PDLIM5: variants seen among roughly 807,000 people sequenced by gnomAD.
PDLIM5 encodes PDZ and LIM domain protein 5.
Under a neutral mutation model 64.2 loss-of-function variants are expected in PDLIM5, and 34 were observed. The observed-to-expected ratio is 0.53, with a 90% CI of 0.40 to 0.71. The LOEUF (loss-of-function observed/expected upper bound fraction) is 0.71. PDLIM5 is among the 30% of genes least tolerant of loss of function. The pLI, the probability that PDLIM5 is intolerant of heterozygous loss-of-function variation, is 0.00. For missense variants in PDLIM5, 683 were observed against 733.6 expected (o/e 0.93, Z 0.80); for synonymous variants, 253 against 269.1 (o/e 0.94, Z 0.59).
At chr4:94,586,568 A>G (rs902504713) in intron 7 of PDLIM5, 124 bp downstream of exon 7, 1 of 625,336 alleles carries the variant, frequency 1.6e-6, no homozygotes, top group Non-Finnish European at 2.9e-6. Flanking sequence ...CTAAGCATTT[A>G]ACTTTGGTGC....
chr4:94,663,670 G>A (rs1194778253), intron 12 of PDLIM5, among the ~76,000 whole-genome samples: 1 of 152,100 alleles, frequency 6.6e-6, no homozygotes, highest in East Asian at 1.9e-4. Flanking sequence ...TATATTTAAC[G>A]AGCCCCCTTT....
At chr4:94,504,376 T>A (rs1728198917) in intron 2 of PDLIM5, among the ~76,000 whole-genome samples, 1 of 151,436 alleles carries the variant, frequency 6.6e-6, no homozygotes, top group Non-Finnish European at 1.5e-5. Flanking sequence ...CAACCTCCGC[T>A]CCCGGGTTCA....
intron 7 of PDLIM5, chr4:94,587,718 A>G: frequency 1.0e-6 from 1 of 984,658 alleles, no homozygotes; most frequent in Non-Finnish European, 1.2e-6. Flanking sequence ...TTTTACCCCT[A>G]TTTGCAATGG....
chr4:94,588,041 A>G (rs1736382692), intron 7 of PDLIM5: 1 of 910,242 alleles, frequency 1.1e-6, no homozygotes, highest in Admixed American at 6.2e-5. Flanking sequence ...GCCTTGTAAT[A>G]TAGTGTATTA....
chr4:94,506,285 G>GT (rs1728390524), intron 2 of PDLIM5, among the ~76,000 whole-genome samples: 1 of 152,170 alleles, frequency 6.6e-6, no homozygotes, highest in Non-Finnish European at 1.5e-5. Context: ...GATGGTGATT[G>GT]TTTCTCTGAT....
At chr4:94,590,433 T>C (rs1179756998) in intron 7 of PDLIM5, among the ~76,000 whole-genome samples, 1 of 152,208 alleles carries the variant, frequency 6.6e-6, no homozygotes, top group African/African-American at 2.4e-5. Flanking sequence ...TTCTTTCAAA[T>C]GCATAATTGC....
intron 3 of PDLIM5, among the ~76,000 whole-genome samples, chr4:94,543,990 A>G (rs1339221560): frequency 1.3e-5 from 2 of 152,188 alleles, no homozygotes; most frequent in African/African-American, 4.8e-5. Context: ...TAATTTTTTA[A>G]GGAACCTCCA....
chr4:94,618,199 A>G lies in PDLIM5; in HGVS notation c.1108+8A>G. 1 of 1,572,278 alleles carries G rather than the reference A, an allele frequency of 6.4e-7. No individual in the cohort carries two copies. The highest frequency in any genetic ancestry group is 8.6e-7 in the Non-Finnish European group (1 of 1,156,276). ...AACGGCCAAACCAAGGAGGTAGCCC[A>G]GAGAAATCTCTTGCGTCTTGCTTTT... On this transcript the variant is annotated splice_region_variant and intron_variant, in intron 8 of 12. Coordinates refer to ENST00000317968, the MANE Select transcript of PDLIM5 (RefSeq NM_006457.5).
intron 8 of PDLIM5, among the ~76,000 whole-genome samples, chr4:94,623,194 C>CTCA (rs1553971060): frequency 6.6e-6 from 1 of 152,102 alleles, no homozygotes; most frequent in African/African-American, 2.4e-5. Flanking sequence ...CTGTCTGCTG[C>CTCA]TGGTCAAAAT....
At chr4:94,486,728 G>A (rs940433524) in intron 2 of PDLIM5, among the ~76,000 whole-genome samples, 3 of 152,218 alleles carry the variant, frequency 2.0e-5, no homozygotes, top group Non-Finnish European at 2.9e-5. Flanking sequence ...TAGGCCAGGT[G>A]CAATGGCTCA....
chr4:94,658,890 TTTTG>T (rs200941910), intron 11 of PDLIM5, among the ~76,000 whole-genome samples: 64 of 152,068 alleles, frequency 4.2e-4, no homozygotes, highest in Non-Finnish European at 5.6e-4. Flanking sequence ...AAGGGCTGGG[TTTTG>T]TTTGTTTGTT....
intron 3 of PDLIM5, among the ~76,000 whole-genome samples, chr4:94,567,240 A>G (rs958414207): frequency 4.6e-5 from 7 of 152,130 alleles, no homozygotes; most frequent in Admixed American, 2.0e-4. Flanking sequence ...TGATCTGCCC[A>G]CCTTGGCCTC....
intron 3 of PDLIM5, among the ~76,000 whole-genome samples, chr4:94,534,772 T>C (rs1383681453): frequency 6.6e-6 from 1 of 152,228 alleles, no homozygotes; most frequent in East Asian, 1.9e-4. Flanking sequence ...ATATTTGTTT[T>C]GTTTCTTGGC....
chr4:94,533,314 A>C (rs1240293432), intron 3 of PDLIM5, among the ~76,000 whole-genome samples: 1 of 152,122 alleles, frequency 6.6e-6, no homozygotes, highest in Non-Finnish European at 1.5e-5. Context: ...TAACATATGA[A>C]AGTCTTATTT....
intron 11 of PDLIM5, among the ~76,000 whole-genome samples, chr4:94,660,712 G>A (rs1470573108): frequency 6.6e-6 from 1 of 152,104 alleles, no homozygotes; most frequent in Non-Finnish European, 1.5e-5. Flanking sequence ...ATGGTGCTAA[G>A]GAATACTAAA....
intron 7 of PDLIM5, among the ~76,000 whole-genome samples, chr4:94,597,029 A>G (rs1737119134): frequency 1.3e-5 from 2 of 152,164 alleles, no homozygotes; most frequent in South Asian, 2.1e-4. Flanking sequence ...CTGAATTTAT[A>G]TCTTTGAACA....
intron 7 of PDLIM5, among the ~76,000 whole-genome samples, chr4:94,611,757 C>CG (rs1738383016): frequency 6.6e-6 from 1 of 152,070 alleles, no homozygotes; most frequent in Admixed American, 6.6e-5. Flanking sequence ...CAAGTGTTTA[C>CG]TAAAGATATA....
In PDLIM5 at chr4:94,662,465, T is replaced by G; in HGVS notation, c.1629T>G (p.Phe543Leu). The G allele has an allele frequency of 1.2e-6, 2 of 1,605,432 alleles. No individual in the cohort carries two copies. Residue 543 changes from phenylalanine to leucine, a missense_variant, in exon 12 of 13, where the codon TTT (phenylalanine) becomes TTG (leucine). Transcript: ENST00000317968. Reference protein sequence around the residue: ...LFGTICHGCEFPIEAGDMFLE... With the variant: ...LFGTICHGCELPIEAGDMFLE... The stretch of plus-strand genomic sequence containing the variant: ...GTACTATATGCCATGGATGTGAATT[T>G]CCCATAGAAGCTGGTGACATGTTCC...
chr4:94,614,423 A>G (rs1343161508), intron 7 of PDLIM5, among the ~76,000 whole-genome samples: 1 of 152,110 alleles, frequency 6.6e-6, no homozygotes, highest in Non-Finnish European at 1.5e-5. Context: ...CCAATACCAA[A>G]TGTTTATGTA....
Sources: gnomAD v4.1 joint callset for allele counts (sites outside exome capture counted in the v4.1 genomes callset) on GRCh38, gnomAD v4.1.1 for gene constraint, MANE v1.5 for transcripts, NCBI Gene and HGNC (gene_info 2026-07-23, HGNC 2026-07-21) for gene names.